The following PLPP4 variants were observed in gnomAD, a reference collection of about 807,000 sequenced individuals.
PLPP4 encodes the protein diacylglycerol pyrophosphate like 2.
PLPP4 carries 20 observed loss-of-function variants against 32.2 expected under a neutral mutation model. The ratio of observed to expected loss-of-function variants is 0.62; its 90% confidence interval spans 0.44 to 0.90. The LOEUF is 0.90. PLPP4 is among the 40% of genes least tolerant of loss of function. PLPP4 has a pLI of 0.00. For missense variants in PLPP4, 257 were observed against 353.1 expected, an observed-to-expected ratio of 0.73 and a Z score of 2.18; for synonymous variants, 127 against 133.0, an observed-to-expected ratio of 0.95 and a Z score of 0.31.
chr10:120,516,579 C>T (rs1046907685), intron 3 of PLPP4, among the ~76,000 whole-genome samples: 2 of 152,230 alleles, frequency 1.3e-5, no homozygotes, highest in African/African-American at 4.8e-5. Flanking sequence ...GTCCTGAGTA[C>T]AGGCTGCTTA....
chr10:120,515,607 G>T (rs1320660608), intron 3 of PLPP4, among the ~76,000 whole-genome samples: 1 of 152,194 alleles, frequency 6.6e-6, no homozygotes, highest in Admixed American at 6.5e-5. Flanking sequence ...GGCTGCCCTT[G>T]TGTGGCTTGG....
intron 1 of PLPP4, among the ~76,000 whole-genome samples, chr10:120,465,765 C>G (rs887837501): frequency 2.6e-5 from 4 of 152,148 alleles, no homozygotes; most frequent in Admixed American, 2.0e-4. Flanking sequence ...ATCTACCAAG[C>G]CCCCTTCCAC....
intron 5 of PLPP4, among the ~76,000 whole-genome samples, chr10:120,536,272 AT>A (rs933690428): frequency 2.5e-4 from 38 of 152,140 alleles, no homozygotes; most frequent in African/African-American, 8.9e-4. Flanking sequence ...AGCTAGAGGC[AT>A]AACACTTCCT....
At chr10:120,543,285 T>TG (rs766957371) in intron 5 of PLPP4, among the ~76,000 whole-genome samples, 3 of 152,200 alleles carry the variant, frequency 2.0e-5, no homozygotes, top group Non-Finnish European at 4.4e-5. Flanking sequence ...CGGGGGATGT[T>TG]GCCTGTGGAT....
chr10:120,574,976 G>T (rs1564850904), intron 5 of PLPP4, among the ~76,000 whole-genome samples, 155 bp from the exon 6 acceptor site: 1 of 152,206 alleles, frequency 6.6e-6, no homozygotes, highest in Non-Finnish European at 1.5e-5. Context: ...TAGCAGCATG[G>T]TGCTAGCAGG....
intron 5 of PLPP4, among the ~76,000 whole-genome samples, chr10:120,535,788 CT>C (rs1846991011): frequency 6.6e-6 from 1 of 152,158 alleles, no homozygotes; most frequent in Admixed American, 6.5e-5. Flanking sequence ...ATTGTGAAAC[CT>C]TTTAATAACA....
At chr10:120,488,692 T>C (rs1252874092) in intron 1 of PLPP4, among the ~76,000 whole-genome samples, 1 of 152,238 alleles carries the variant, frequency 6.6e-6, no homozygotes, top group Non-Finnish European at 1.5e-5. Context: ...CCCACACTAC[T>C]TGGGCAGGCT....
intron 5 of PLPP4, among the ~76,000 whole-genome samples, chr10:120,560,264 G>A (rs7070520): frequency 0.74 from 111,800 of 150,656 alleles, 41,648 homozygotes; most frequent in East Asian, 0.85. Context: ...TGCACTATAG[G>A]TTGAGGTCTG....
At chr10:120,510,833 G>C (rs990340576) in intron 2 of PLPP4, among the ~76,000 whole-genome samples, 1 of 152,206 alleles carries the variant, frequency 6.6e-6, no homozygotes, top group Non-Finnish European at 1.5e-5. Context: ...TTCACGGACT[G>C]TGCTGCCCAA....
chr10:120,507,760 G>GGGGGCA (rs1228340642), intron 2 of PLPP4, among the ~76,000 whole-genome samples: 2 of 152,202 alleles, frequency 1.3e-5, no homozygotes, highest in Non-Finnish European at 2.9e-5. Flanking sequence ...GGCTAAGAAA[G>GGGGGCA]GGGGCAGGGA....
intron 1 of PLPP4, among the ~76,000 whole-genome samples, chr10:120,466,455 A>G (rs915352295): frequency 6.6e-6 from 1 of 152,152 alleles, no homozygotes; most frequent in South Asian, 2.1e-4. Flanking sequence ...ACAGAGATAA[A>G]TCTCAAAAAC....
intron 1 of PLPP4, among the ~76,000 whole-genome samples, chr10:120,487,331 A>G (rs967239201): frequency 6.6e-6 from 1 of 152,026 alleles, no homozygotes; most frequent in Non-Finnish European, 1.5e-5. Flanking sequence ...TGGGAAGGCA[A>G]CTCTTCCGCT....
At position 120,575,123 on chromosome 10, in the gene PLPP4, T is replaced by G. The variant is rs765283063; in HGVS notation, c.446-8T>G. 6.2e-7 allele frequency: 1 copy of G among 1,611,636 alleles called. No homozygotes were observed. The highest frequency in any genetic ancestry group is 8.5e-7 in the Non-Finnish European group (1 of 1,178,454). On this transcript the variant is annotated splice_region_variant and splice_polypyrimidine_tract_variant and intron_variant, in intron 5 of 6. Coordinates refer to ENST00000398250, the MANE Select transcript of PLPP4 (RefSeq NM_001030059.3). ...GCTAGAGTAACACCTGCTGTTTCTG[T>G]TTGGCAGTTGCCTTTTCGGGCCTTG...
At position 120,590,011 on chromosome 10, in the gene PLPP4, A is replaced by C. The variant is rs1849945542; in HGVS notation, c.*509A>C. Among the ~76,000 whole-genome samples the C allele has an allele frequency of 6.6e-6, 1 of 152,218 alleles. No homozygotes were observed. Among genetic ancestry groups the C allele is most frequent in the Non-Finnish European group, 1.5e-5 (1 of 68,028 alleles). ...CAGCTTCTCATAGCCCACGTCTCTA[A>C]AATAGATTTGAAACTTGGAGTGACA... On this transcript the variant is annotated 3_prime_UTR_variant, in exon 7 of 7. Transcript: ENST00000398250.
rs552327300 is a variant in PLPP4 at position 120,537,625 on chromosome 10, G to A, written c.445+16530G>A. Among the ~76,000 whole-genome samples the A allele has an allele frequency of 2.6e-5, 4 of 152,220 alleles. No individual in the cohort carries two copies. In the South Asian group the frequency reaches 8.3e-4, roughly 32 times the overall value. On this transcript the variant is annotated intron_variant, in intron 5 of 6. Coordinates refer to ENST00000398250, the MANE Select transcript of PLPP4 (RefSeq NM_001030059.3). Reference sequence around the variant, plus strand: ...TCTGAAAACCTAATGTACAGGAAGTGAGTATAATTAGTAATGTATTGTATA... The same window carrying A: ...TCTGAAAACCTAATGTACAGGAAGTAAGTATAATTAGTAATGTATTGTATA...
chr10:120,575,519 C>T (rs891890569), intron 6 of PLPP4, among the ~76,000 whole-genome samples: 1 of 152,200 alleles, frequency 6.6e-6, no homozygotes, highest in Non-Finnish European at 1.5e-5. Context: ...CTTCCTCCTT[C>T]ATGCTCCAGG....
intron 6 of PLPP4, among the ~76,000 whole-genome samples, chr10:120,585,568 A>G (rs1305819269): frequency 1.3e-5 from 2 of 152,220 alleles, no homozygotes; most frequent in Non-Finnish European, 2.9e-5. Context: ...TGAAATAATC[A>G]TTAGAAGTAA....
intron 6 of PLPP4, among the ~76,000 whole-genome samples, chr10:120,586,368 TC>T (rs1849763202): frequency 6.6e-6 from 1 of 150,492 alleles, no homozygotes; most frequent in African/African-American, 2.4e-5. Context: ...GGTCTCAAAC[TC>T]CTGAGCTCAG....
chr10:120,532,059 CT>C (rs1021354840), intron 5 of PLPP4, among the ~76,000 whole-genome samples: 1 of 152,156 alleles, frequency 6.6e-6, no homozygotes, highest in African/African-American at 2.4e-5. Context: ...TATCCCTCCC[CT>C]AGCCCCTACG....
Sources: gnomAD v4.1 joint callset for allele counts (sites outside exome capture counted in the v4.1 genomes callset) on GRCh38, gnomAD v4.1.1 for gene constraint, MANE v1.5 for transcripts, NCBI Gene and HGNC (gene_info 2026-07-23, HGNC 2026-07-21) for gene names.